The following ZC3H12B variants were observed in gnomAD, a reference collection of about 807,000 sequenced individuals.
ZC3H12B encodes probable ribonuclease ZC3H12B.
A neutral mutation model predicts 43.9 loss-of-function variants in ZC3H12B; 7 were observed. That is an observed-to-expected ratio of 0.16 (90% CI 0.09 to 0.30). The LOEUF (loss-of-function observed/expected upper bound fraction) is 0.30, where lower values mean the gene tolerates loss of function less well. ZC3H12B is among the 10% of genes least tolerant of loss of function. ZC3H12B has a pLI of 1.00. For synonymous variants in ZC3H12B, 222 were observed against 241.7 expected (o/e 0.92, Z 0.76); for missense variants, 475 against 670.2 (o/e 0.71, Z 3.22).
the ZC3H12B span, among the ~76,000 whole-genome samples, chrX:65,175,793 A>G: frequency 8.9e-6 from 1 of 111,787 alleles, no homozygotes; most frequent in Non-Finnish European, 1.9e-5. Flanking sequence ...AGGGGTTGGG[A>G]AACTCCCTCT....
At position 65,502,750 on chromosome X, in the gene ZC3H12B, C is replaced by T. The variant is rs1180232536; in HGVS notation, c.2052C>T (p.Ile684=). 16 of 1,208,371 alleles carry T rather than the reference C, an allele frequency of 1.3e-5. No individual in the cohort carries two copies. The Admixed American group carries it at 3.1e-4, about 23-fold the overall frequency. The stretch of plus-strand genomic sequence containing the variant: ...CAGACTACCCCATGCCTCCCAATAT[C>T]CATCCTGGGGCAACCCCCCAGCCAG... Residue 684 remains isoleucine, a synonymous_variant, in exon 5 of 5, where the codon ATC becomes ATT. Coordinates refer to ENST00000338957, the Ensembl canonical transcript of ZC3H12B.
At chrX:65,456,573 C>T (rs1277234683) in intron 3 of ZC3H12B, among the ~76,000 whole-genome samples, 27 of 105,775 alleles carry the variant, frequency 2.6e-4, no homozygotes, top group Non-Finnish European at 3.3e-4. Flanking sequence ...CGAGTGCCTG[C>T]GATTGCAGGC....
chrX:65,224,486 C>T, the ZC3H12B span, among the ~76,000 whole-genome samples: 154 of 112,537 alleles, frequency 1.4e-3, 1 homozygote, highest in African/African-American at 4.4e-3. Context: ...TCTGAAGTAC[C>T]GGGTTCATCT....
At chrX:65,455,320 C>T (rs1308928384) in intron 3 of ZC3H12B, among the ~76,000 whole-genome samples, 2 of 112,158 alleles carry the variant, frequency 1.8e-5, no homozygotes, top group Non-Finnish European at 3.8e-5. Flanking sequence ...ACAAGAACTA[C>T]GTGACAAATG....
intron 3 of ZC3H12B, among the ~76,000 whole-genome samples, chrX:65,454,745 C>T (rs1272394367): frequency 9.0e-6 from 1 of 111,451 alleles, no homozygotes; most frequent in East Asian, 2.8e-4. Context: ...GGCAGACTGA[C>T]ACCTCACATG....
chrX:65,221,057 CCATGCAAATA>C, the ZC3H12B span, among the ~76,000 whole-genome samples: 1 of 111,565 alleles, frequency 9.0e-6, no homozygotes, highest in Non-Finnish European at 1.9e-5. Flanking sequence ...ACCCTCAATA[CCATGCAAATA>C]CATGGAAATT....
the ZC3H12B span, among the ~76,000 whole-genome samples, chrX:65,348,139 G>C: frequency 8.9e-6 from 1 of 111,779 alleles, no homozygotes; most frequent in Non-Finnish European, 1.9e-5. Context: ...TAAATGACGA[G>C]TCAATGGGTG....
At chrX:65,265,589 C>T in the ZC3H12B span, among the ~76,000 whole-genome samples, 1 of 111,756 alleles carries the variant, frequency 8.9e-6, no homozygotes, top group East Asian at 2.8e-4. Flanking sequence ...GTCTATAGAC[C>T]ATTTACATCA....
chrX:65,378,158 A>G (rs915182548), intron 2 of ZC3H12B, among the ~76,000 whole-genome samples: 1 of 111,576 alleles, frequency 9.0e-6, no homozygotes, highest in Non-Finnish European at 1.9e-5. Flanking sequence ...AGCACAAAGG[A>G]AAATTCAAAA....
chrX:65,122,726 G>T, the ZC3H12B span, among the ~76,000 whole-genome samples: 1 of 111,184 alleles, frequency 9.0e-6, no homozygotes, highest in Middle Eastern at 4.6e-3. Flanking sequence ...AAAGGCAGGG[G>T]TTGCAATCCT....
chrX:65,165,338 G>T, the ZC3H12B span, among the ~76,000 whole-genome samples: 1 of 111,946 alleles, frequency 8.9e-6, no homozygotes, highest in South Asian at 3.7e-4. Flanking sequence ...AGGTATACAT[G>T]TGCCATGGTG....
chrX:65,388,655 C>G (rs1224046356), intron 2 of ZC3H12B, among the ~76,000 whole-genome samples: 1 of 112,088 alleles, frequency 8.9e-6, no homozygotes, highest in African/African-American at 3.2e-5. Flanking sequence ...CAAAGTCATT[C>G]TCCATCCGGG....
intron 3 of ZC3H12B, among the ~76,000 whole-genome samples, chrX:65,411,890 C>T (rs141925319): frequency 0.014 from 1,459 of 106,868 alleles, 17 homozygotes; most frequent in Admixed American, 0.05. Flanking sequence ...CAAATATAGA[C>T]GCCCACAAAA....
chrX:65,306,340 T>C, the ZC3H12B span, among the ~76,000 whole-genome samples: 2 of 112,177 alleles, frequency 1.8e-5, no homozygotes, highest in Non-Finnish European at 3.8e-5. Flanking sequence ...TACACTGATA[T>C]AGATTCAGCC....
At chrX:65,382,943 A>G (rs1018343123) in intron 2 of ZC3H12B, among the ~76,000 whole-genome samples, 2 of 110,581 alleles carry the variant, frequency 1.8e-5, no homozygotes, top group Non-Finnish European at 3.8e-5. Context: ...ACTGCTCAAG[A>G]AAATAAAAGA....
At chrX:65,120,882 G>T in the ZC3H12B span, among the ~76,000 whole-genome samples, 2 of 111,461 alleles carry the variant, frequency 1.8e-5, no homozygotes, top group African/African-American at 6.5e-5. Flanking sequence ...TTTGTGAAAG[G>T]CCTTTTCTAC....
chrX:65,309,517 C>A, the ZC3H12B span, among the ~76,000 whole-genome samples: 2 of 111,530 alleles, frequency 1.8e-5, no homozygotes, highest in African/African-American at 6.5e-5. Flanking sequence ...GCCTACCAAT[C>A]AAAAAAATTC....
At chrX:65,089,634 C>G in the ZC3H12B span, among the ~76,000 whole-genome samples, 1 of 112,068 alleles carries the variant, frequency 8.9e-6, no homozygotes. Context: ...AACATTTTTA[C>G]TTTATAAACT....
chrX:65,206,455 C>G, the ZC3H12B span, among the ~76,000 whole-genome samples: 2 of 111,382 alleles, frequency 1.8e-5, no homozygotes, highest in Non-Finnish European at 3.8e-5. Context: ...AATTGGCAAG[C>G]CACATGTAGA....
Sources: allele counts gnomAD v4.1 joint callset (sites outside exome capture counted in the v4.1 genomes callset), GRCh38; gene constraint gnomAD v4.1.1; transcripts MANE v1.5; gene names NCBI Gene and HGNC (gene_info 2026-07-23, HGNC 2026-07-21).